KIF25: variants seen among roughly 807,000 people sequenced by gnomAD.
KIF25 encodes kinesin-like protein KIF25.
In KIF25, 19 loss-of-function variants were observed where a neutral mutation model predicts 32.9. The ratio of observed to expected loss-of-function variants is 0.58; its 90% CI spans 0.40 to 0.85. The LOEUF is 0.85. KIF25 is among the 40% of genes least tolerant of loss of function. KIF25 has a pLI of 0.00. For synonymous variants in KIF25, 225 were observed against 213.7 expected, an observed-to-expected ratio of 1.05 and a Z score of -0.46; for missense variants, 485 against 507.0, an observed-to-expected ratio of 0.96 and a Z score of 0.42.
intron 5 of KIF25, among the ~76,000 whole-genome samples, chr6:168,028,795 G>A (rs879392011): frequency 3.3e-5 from 5 of 152,128 alleles, no homozygotes; most frequent in African/African-American, 4.8e-5. Flanking sequence ...TTTTCTTCAT[G>A]AAGGATTAGA....
chr6:168,042,999 C>T (rs73262804), intron 12 of KIF25, among the ~76,000 whole-genome samples: 7,716 of 152,226 alleles, frequency 0.051, 394 homozygotes, highest in African/African-American at 0.12. Flanking sequence ...ACCAGGGGTC[C>T]GCCAGAGCAG....
intron 4 of KIF25, among the ~76,000 whole-genome samples, chr6:168,011,192 T>C (rs192168678): frequency 3.0e-4 from 46 of 152,316 alleles, no homozygotes; most frequent in Non-Finnish European, 3.5e-4. Flanking sequence ...CTTTGCTTCT[T>C]ACTTCCTCTC....
At chr6:168,006,086 C>A (rs1798575849) in intron 4 of KIF25, among the ~76,000 whole-genome samples, 1 of 152,156 alleles carries the variant, frequency 6.6e-6, no homozygotes, top group Non-Finnish European at 1.5e-5. Flanking sequence ...TTCTCAGGAA[C>A]CTTTAAGTAA....
At chr6:168,040,273 G>T in intron 10 of KIF25, 57 bp downstream of exon 10, 1 of 1,538,936 alleles carries the variant, frequency 6.5e-7, no homozygotes, top group Non-Finnish European at 8.8e-7. Context: ...CACTTAAGAA[G>T]AAAAAAATCA....
chr6:168,041,870 G>T, intron 10 of KIF25, 99 bp from the exon 11 acceptor site: 2 of 1,177,112 alleles, frequency 1.7e-6, no homozygotes, highest in South Asian at 3.0e-5. Context: ...TGGGCAGGAG[G>T]GTGCAGTTCA....
intron 2 of KIF25, among the ~76,000 whole-genome samples, chr6:168,000,730 C>T (rs558628565): frequency 1.8e-4 from 28 of 152,260 alleles, no homozygotes; most frequent in Admixed American, 3.3e-4. Context: ...CAAGGTGCTG[C>T]GCTTCCCGGC....
chr6:168,037,727 G>A (rs1583144661), intron 8 of KIF25, among the ~76,000 whole-genome samples: 1 of 152,086 alleles, frequency 6.6e-6, no homozygotes, highest in African/African-American at 2.4e-5. Flanking sequence ...TTTAAAACAT[G>A]GAGCAAAATA....
intron 4 of KIF25, among the ~76,000 whole-genome samples, chr6:168,006,230 G>A (rs879280903): frequency 6.6e-6 from 1 of 151,542 alleles, no homozygotes; most frequent in African/African-American, 2.4e-5. Context: ...TTTAGCGATG[G>A]GGGGGTCTCA....
intron 7 of KIF25, among the ~76,000 whole-genome samples, chr6:168,032,753 C>A (rs941736884): frequency 6.6e-6 from 1 of 152,200 alleles, no homozygotes; most frequent in Non-Finnish European, 1.5e-5. Flanking sequence ...GGTATTGATA[C>A]ACCGGAGTCA....
chr6:168,031,013 A>G (rs538586403), intron 7 of KIF25, among the ~76,000 whole-genome samples, 166 bp downstream of exon 7: 2 of 152,288 alleles, frequency 1.3e-5, no homozygotes, highest in Admixed American at 1.3e-4. Context: ...ATCCGTGGAG[A>G]CTATTTCCGC....
intron 3 of KIF25, among the ~76,000 whole-genome samples, chr6:168,003,196 TC>T (rs1294113806): frequency 6.6e-6 from 1 of 151,770 alleles, no homozygotes; most frequent in Non-Finnish European, 1.5e-5. Context: ...TGGATGACTC[TC>T]CCATGCAATG....
At chr6:168,034,392 G>C (rs755494957) in intron 8 of KIF25, among the ~76,000 whole-genome samples, 66 of 152,068 alleles carry the variant, frequency 4.3e-4, no homozygotes, top group Non-Finnish European at 3.5e-4. Flanking sequence ...CCGAGTATCT[G>C]GTATCACAGG....
At chr6:168,032,132 T>C (rs1798950195) in intron 7 of KIF25, among the ~76,000 whole-genome samples, 1 of 151,276 alleles carries the variant, frequency 6.6e-6, no homozygotes, top group South Asian at 2.1e-4. Flanking sequence ...GTAAGATCTG[T>C]GTCGATATTA....
At position 168,044,851 on chromosome 6, in the gene KIF25, TTCTC is replaced by T; in HGVS notation, c.1012_1015del (p.Leu338AlafsTer55). The T allele has an allele frequency of 7.5e-6, 12 of 1,598,760 alleles. No homozygotes were observed. The highest frequency in any genetic ancestry group is 9.4e-6 in the Non-Finnish European group (11 of 1,171,956). On this transcript the variant is annotated frameshift_variant, in exon 13 of 13. Coordinates refer to ENST00000643607, the MANE Select transcript of KIF25 (RefSeq NM_030615.4). LOFTEE classifies it low-confidence loss of function (END_TRUNC). The stretch of plus-strand genomic sequence containing the variant: ...GGAGGCGATGCGAAGTTACTGGTGA[TTCTC>T]TGCATTTCTCCCAGCCAGAGGCACC...
At chr6:168,009,266 T>G (rs1029867260) in intron 4 of KIF25, among the ~76,000 whole-genome samples, 1 of 151,824 alleles carries the variant, frequency 6.6e-6, no homozygotes, top group African/African-American at 2.4e-5. Context: ...TAAGAGTTGT[T>G]TTTTTTTATC....
chr6:168,003,153 T>G (rs917729020), intron 3 of KIF25, among the ~76,000 whole-genome samples: 1 of 152,092 alleles, frequency 6.6e-6, no homozygotes, highest in African/African-American at 2.4e-5. Context: ...AAACTGCGCA[T>G]GAAGGAGATA....
At chr6:168,040,572 A>AG (rs1467010591) in intron 10 of KIF25, among the ~76,000 whole-genome samples, 139 of 150,920 alleles carry the variant, frequency 9.2e-4, no homozygotes, top group African/African-American at 3.3e-3. Context: ...GTTAAAAAAA[A>AG]AAAGAAGAAG....
In KIF25 at chr6:168,044,923, G is replaced by C; in HGVS notation, c.1082G>C (p.Arg361Pro). Residue 361 changes from arginine to proline, a missense_variant, in exon 13 of 13, where the codon CGG (arginine) becomes CCG (proline). Arg to Pro is a moderately radical substitution (Grantham distance 103). Around this residue, in one of 2 missense-constraint regions of KIF25, gnomAD observed 480 missense variants for 470.3 expected, o/e 1.02. Transcript: ENST00000643607. The stretch of plus-strand genomic sequence containing the variant: ...GGCCTGGGTTTCGGGATCCGAGCTC[G>C]GCAAGTCCAGCGAGGCCCTGCCCGA... The part of the protein sequence containing the change: ...LQGLGFGIRA[R>P]QVQRGPARKK... 6.2e-7 allele frequency: 1 copy of C among 1,612,978 alleles called. No individual in the cohort carries two copies. Among genetic ancestry groups the C allele is most frequent in the Non-Finnish European group, 8.5e-7 (1 of 1,179,208 alleles).
chr6:168,018,494 A>G lies in KIF25; in HGVS notation c.-95+454A>G, dbSNP rs533489082. Among the ~76,000 whole-genome samples, 118 of 152,368 alleles carry G rather than the reference A, an allele frequency of 7.7e-4. 1 individual carries two copies. Among genetic ancestry groups the G allele is most frequent in the African/African-American group, 2.7e-3 (112 of 41,598 alleles). Reference sequence around the variant, plus strand: ...GGGTTTCTCAGGTCACAACCCCATCATAAGACGAGGGACATCTGTAATCCA... The same window carrying G: ...GGGTTTCTCAGGTCACAACCCCATCGTAAGACGAGGGACATCTGTAATCCA... On this transcript the variant is annotated intron_variant, in intron 5 of 12. Coordinates refer to ENST00000643607, the MANE Select transcript of KIF25 (RefSeq NM_030615.4).
Sources: gnomAD v4.1 joint callset for allele counts (sites outside exome capture counted in the v4.1 genomes callset) on GRCh38, gnomAD v4.1.1 for gene constraint, gnomAD v4.1.1 regional missense constraint, MANE v1.5 for transcripts, NCBI Gene and HGNC (gene_info 2026-07-23, HGNC 2026-07-21) for gene names.